The following NCOA2 variants were observed in gnomAD, a reference collection of about 807,000 sequenced individuals.
NCOA2 encodes the protein nuclear receptor coactivator 2.
In NCOA2, 21 loss-of-function variants were observed where a neutral mutation model predicts 145.1. The ratio of observed to expected loss-of-function variants is 0.14; its 90% CI spans 0.10 to 0.21. The LOEUF is 0.21. Ranked by LOEUF, NCOA2 falls within the 10% of genes least tolerant of loss-of-function variation. NCOA2 has a pLI of 1.00. For synonymous variants in NCOA2, 619 were observed against 637.5 expected (o/e 0.97, Z 0.44); for missense variants, 1,472 against 1,837.6 (o/e 0.80, Z 3.64).
At chr8:70,283,778 C>T (rs1826048242) in intron 2 of NCOA2, among the ~76,000 whole-genome samples, 1 of 152,086 alleles carries the variant, frequency 6.6e-6, no homozygotes, top group Non-Finnish European at 1.5e-5. Flanking sequence ...ATTTGCATTG[C>T]ACTCGCTAGT....
intron 1 of NCOA2, among the ~76,000 whole-genome samples, chr8:70,369,618 T>C (rs1811031535): frequency 6.7e-6 from 1 of 148,900 alleles, no homozygotes; most frequent in Non-Finnish European, 1.5e-5. Context: ...TCCTTCGATT[T>C]AGATCCTACT....
Position 70,213,891 on chromosome 8 carries a change from C to G in NCOA2, c.259+12G>C, listed in dbSNP as rs374602118. ...AATTCAACTCTTCAAAATACTAATT[C>G]AGTCCTCTTACCTTGTTCTTTGATC... On this transcript the variant is annotated intron_variant, in intron 4 of 22. Coordinates refer to ENST00000452400, the MANE Select transcript of NCOA2 (RefSeq NM_006540.4). The G allele has an allele frequency of 3.8e-6, 6 of 1,564,438 alleles. No individual in the cohort carries two copies. The African/African-American group carries it at 8.2e-5, about 21-fold the overall frequency.
At chr8:70,182,397 A>G (rs1300812691) in intron 4 of NCOA2, among the ~76,000 whole-genome samples, 1 of 152,238 alleles carries the variant, frequency 6.6e-6, no homozygotes, top group Non-Finnish European at 1.5e-5. Context: ...CTTCATTTTC[A>G]TCAATGGTAT....
At chr8:70,268,483 A>G (rs561956658) in intron 2 of NCOA2, among the ~76,000 whole-genome samples, 2 of 152,294 alleles carry the variant, frequency 1.3e-5, no homozygotes, top group Non-Finnish European at 2.9e-5. Context: ...CAGTTTGACT[A>G]TTTTTATTTG....
intron 1 of NCOA2, among the ~76,000 whole-genome samples, chr8:70,361,455 A>C (rs1008086111): frequency 2.6e-5 from 4 of 152,142 alleles, no homozygotes; most frequent in African/African-American, 9.7e-5. Context: ...GAGCAACAAG[A>C]ACAAAACTCC....
At chr8:70,274,251 G>C (rs1424763725) in intron 2 of NCOA2, among the ~76,000 whole-genome samples, 2 of 148,176 alleles carry the variant, frequency 1.3e-5, no homozygotes, top group Non-Finnish European at 3.0e-5. Flanking sequence ...TTTAACTAAA[G>C]CAACAAGAAA....
chr8:70,162,842 G>A lies in NCOA2; in HGVS notation c.845C>T (p.Ser282Phe). The A allele has an allele frequency of 6.2e-7, 1 of 1,612,854 alleles. No homozygotes were observed. Among genetic ancestry groups the A allele is most frequent in the South Asian group, 1.1e-5 (1 of 90,976 alleles). ...TRQDLQGKIT[S>F]LDTSTMRAAM... The stretch of plus-strand genomic sequence containing the variant: ...TGCTCTCATGGTGCTGGTATCCAGA[G>A]ACGTGATCTTGCCTATTAAGTAACA... The change falls in exon 9 of 23, where the codon TCT becomes TTT. Residue 282 changes from serine to phenylalanine, a missense_variant. Coordinates refer to ENST00000452400, the MANE Select transcript of NCOA2 (RefSeq NM_006540.4).
In NCOA2 at chr8:70,355,645, C is replaced by T. The variant is rs544156469; in HGVS notation, c.-77+48055G>A. Among the ~76,000 whole-genome samples the T allele has an allele frequency of 4.6e-5, 7 of 150,928 alleles. No homozygotes were observed. In the South Asian group the frequency reaches 1.5e-3, roughly 32 times the overall value. On this transcript the variant is annotated intron_variant, in intron 1 of 22. Coordinates refer to ENST00000452400, the MANE Select transcript of NCOA2 (RefSeq NM_006540.4). ...AGTTTATGTGTGGCCCAAGACAATTCTTCTTTCAATGTGGGGGAAGCCAAA... is the reference window on the plus strand; with the variant it reads ...AGTTTATGTGTGGCCCAAGACAATTTTTCTTTCAATGTGGGGGAAGCCAAA...
intron 2 of NCOA2, among the ~76,000 whole-genome samples, chr8:70,243,345 T>A (rs1822322731): frequency 6.6e-6 from 1 of 152,070 alleles, no homozygotes; most frequent in Non-Finnish European, 1.5e-5. Context: ...CTCTCAACAG[T>A]CAGATAAGTT....
At position 70,117,476 on chromosome 8, in the gene NCOA2, C is replaced by T. The variant is rs1245642362; in HGVS notation, c.4383+3826G>A. ...CAATGCCTGAGGCTGAGGATGCTTC[C>T]AAAAATGTAGCTGAATATTTACTGT... On this transcript the variant is annotated intron_variant, in intron 22 of 22. Transcript: ENST00000452400. Among the ~76,000 whole-genome samples the T allele has an allele frequency of 2.0e-5, 3 of 152,282 alleles. No individual in the cohort carries two copies. The East Asian group carries it at 5.8e-4, about 29-fold the overall frequency.
At chr8:70,325,307 G>C (rs1473317542) in intron 1 of NCOA2, among the ~76,000 whole-genome samples, 2 of 152,138 alleles carry the variant, frequency 1.3e-5, no homozygotes, top group African/African-American at 4.8e-5. Context: ...TTTCAGAAAA[G>C]TAGTAACAAT....
At position 70,141,180 on chromosome 8, in the gene NCOA2, T is replaced by C; in HGVS notation, c.3028+4A>G. On this transcript the variant is annotated splice_donor_region_variant and intron_variant, in intron 14 of 22. Transcript: ENST00000452400. ...AAAAGCAAACAGCACTAGAGCCACC[T>C]TACCTATATTCATGACCTGAGACTG... The C allele has an allele frequency of 6.2e-7, 1 of 1,612,988 alleles. No homozygotes were observed. The highest frequency in any genetic ancestry group is 8.5e-7 in the Non-Finnish European group (1 of 1,179,486).
At chr8:70,324,410 C>T (rs2136206334) in intron 1 of NCOA2, among the ~76,000 whole-genome samples, 1 of 152,232 alleles carries the variant, frequency 6.6e-6, no homozygotes. Flanking sequence ...GACCAAAGCT[C>T]GCTGCAATCT....
chr8:70,365,334 A>AAAAC (rs996275157), intron 1 of NCOA2, among the ~76,000 whole-genome samples: 3 of 152,348 alleles, frequency 2.0e-5, no homozygotes, highest in East Asian at 1.9e-4. Flanking sequence ...TCCGTCTCAA[A>AAAAC]AAACAAACAA....
At chr8:70,300,649 A>T (rs910341490) in intron 1 of NCOA2, among the ~76,000 whole-genome samples, 1 of 152,062 alleles carries the variant, frequency 6.6e-6, no homozygotes, top group African/African-American at 2.4e-5. Flanking sequence ...TCAATATTTC[A>T]TTTTATTTAT....
Position 70,148,334 on chromosome 8 carries a change from A to C in NCOA2, c.2544T>G (p.Ala848=), listed in dbSNP as rs781157396. The C allele has an allele frequency of 6.2e-7, 1 of 1,613,992 alleles. No homozygotes were observed. The highest frequency in any genetic ancestry group is 2.2e-5 in the East Asian group (1 of 44,886). ...AIINDLMQLT[A]ENSPVTPVGA... The stretch of plus-strand genomic sequence containing the variant: ...CAACAGGTGTGACAGGGCTGTTTTC[A>C]GCTGTGAGTTGCATGAGGTCATTGA... Residue 848 remains alanine, a synonymous_variant, in exon 12 of 23, where the codon GCT becomes GCG. Coordinates refer to ENST00000452400, the MANE Select transcript of NCOA2 (RefSeq NM_006540.4).
At chr8:70,201,777 G>A (rs1358707676) in intron 4 of NCOA2, among the ~76,000 whole-genome samples, 1 of 152,246 alleles carries the variant, frequency 6.6e-6, no homozygotes, top group African/African-American at 2.4e-5. Context: ...GTAGCAAAAA[G>A]CTTCAGCGCA....
chr8:70,333,220 T>G (rs551219197), intron 1 of NCOA2, among the ~76,000 whole-genome samples: 3 of 152,302 alleles, frequency 2.0e-5, no homozygotes, highest in East Asian at 3.9e-4. Flanking sequence ...GGACTTTTTT[T>G]GGGCAGACCT....
chr8:70,358,899 G>C (rs1010432600), intron 1 of NCOA2, among the ~76,000 whole-genome samples: 9 of 151,992 alleles, frequency 5.9e-5, no homozygotes, highest in Non-Finnish European at 1.3e-4. Flanking sequence ...AAGAGAAACC[G>C]ATTAAAAAAT....
Sources: allele counts gnomAD v4.1 joint callset (sites outside exome capture counted in the v4.1 genomes callset), GRCh38; gene constraint gnomAD v4.1.1; transcripts MANE v1.5; gene names NCBI Gene and HGNC (gene_info 2026-07-23, HGNC 2026-07-21).